The following MITF variants were observed in gnomAD, a reference collection of about 807,000 sequenced individuals.
MITF encodes the protein microphthalmia-associated transcription factor.
A neutral mutation model predicts 60.5 loss-of-function variants in MITF; 17 were observed. That is an observed-to-expected ratio of 0.28 (90% CI 0.19 to 0.42). The LOEUF (loss-of-function observed/expected upper bound fraction) is 0.42. Among genes scored for constraint, MITF ranks in the 10% least tolerant of loss-of-function variants. The pLI is 1.00. For synonymous variants in MITF, 260 were observed against 248.5 expected (o/e 1.05, Z -0.43); for missense variants, 622 against 683.5 (o/e 0.91, Z 1.00).
Position 69,854,055 on chromosome 3 carries a change from G to C in MITF, c.105-25079G>C, listed in dbSNP as rs547643261. Among the ~76,000 whole-genome samples, 11 of 151,870 alleles carry C rather than the reference G, an allele frequency of 7.2e-5. No individual in the cohort carries two copies. The South Asian group carries it at 2.3e-3, about 32-fold the overall frequency. The stretch of plus-strand genomic sequence containing the variant: ...AGTAGAGACAGAGTTTCACCGTATT[G>C]GTCAGGCTGGTCTCGAACTCCTGAC... On this transcript the variant is annotated intron_variant, in intron 1 of 9. Coordinates refer to ENST00000352241, the MANE Select transcript of MITF (RefSeq NM_001354604.2).
chr3:69,938,327 C>T (rs1405540760), intron 3 of MITF: 1 of 1,555,994 alleles, frequency 6.4e-7, no homozygotes, highest in Non-Finnish European at 8.7e-7. Flanking sequence ...TAGCTGAGTG[C>T]TCTCTTCTCT....
intron 1 of MITF, among the ~76,000 whole-genome samples, chr3:69,757,919 G>A (rs1014908335): frequency 1.3e-5 from 2 of 151,450 alleles, no homozygotes; most frequent in Admixed American, 6.6e-5. Flanking sequence ...GAGTGATGGT[G>A]TGGATCCCAG....
chr3:69,948,958 T>C (rs1366356527), intron 5 of MITF, 93 bp from the exon 6 acceptor site: 10 of 915,876 alleles, frequency 1.1e-5, no homozygotes, highest in African/African-American at 1.7e-5. Context: ...ATAATTTTTC[T>C]TAAATAAATC....
chr3:69,858,507 C>T (rs956917764), intron 1 of MITF, among the ~76,000 whole-genome samples: 4 of 151,950 alleles, frequency 2.6e-5, no homozygotes, highest in Admixed American at 1.3e-4. Context: ...TTTAAATACA[C>T]GACTTCCTGT....
chr3:69,896,642 T>C lies in MITF; in HGVS notation c.354+17259T>C, dbSNP rs529154121. ...CCCCCAATCTTCTTTTTTCTTAATA[T>C]GCCCTGCTATTCATAGGTGTGATTT... is the stretch of plus-strand genomic sequence containing the variant. On this transcript the variant is annotated intron_variant, in intron 2 of 9. Transcript: ENST00000352241. 1.8e-4 allele frequency among the ~76,000 whole-genome samples: 28 copies of C among 152,346 alleles called. No individual in the cohort carries two copies. The South Asian group carries it at 5.6e-3, about 30-fold the overall frequency.
At chr3:69,899,609 G>C (rs75660139) in intron 2 of MITF, among the ~76,000 whole-genome samples, 1 of 152,154 alleles carries the variant, frequency 6.6e-6, no homozygotes, top group Non-Finnish European at 1.5e-5. Context: ...TCTTCTGAGT[G>C]TGGAGTCATC....
At chr3:69,890,986 A>G (rs2064746728) in intron 2 of MITF, among the ~76,000 whole-genome samples, 2 of 152,174 alleles carry the variant, frequency 1.3e-5, no homozygotes, top group African/African-American at 4.8e-5. Context: ...AGAAAGAAAA[A>G]TCATCACGTT....
At chr3:69,958,765 C>G (rs1230760138) in intron 8 of MITF, among the ~76,000 whole-genome samples, 1 of 152,028 alleles carries the variant, frequency 6.6e-6, no homozygotes, top group Non-Finnish European at 1.5e-5. Context: ...AGTCCTGACT[C>G]TGCCATATAG....
At chr3:69,814,001 C>T (rs1286575044) in intron 1 of MITF, among the ~76,000 whole-genome samples, 1 of 152,020 alleles carries the variant, frequency 6.6e-6, no homozygotes. Flanking sequence ...GCCCTTCAGT[C>T]CATGAGGTAA....
chr3:69,873,853 A>C (rs2064292484), intron 1 of MITF, among the ~76,000 whole-genome samples: 1 of 152,218 alleles, frequency 6.6e-6, no homozygotes, highest in Non-Finnish European at 1.5e-5. Context: ...TTGGCTGCAG[A>C]ATTTTTGTGG....
intron 1 of MITF, among the ~76,000 whole-genome samples, chr3:69,814,697 G>T (rs2063153957): frequency 6.6e-6 from 1 of 151,854 alleles, no homozygotes; most frequent in African/African-American, 2.4e-5. Flanking sequence ...CTGAAATTTT[G>T]GTATCTTTGT....
At chr3:69,936,541 T>A in intron 2 of MITF, 1 of 1,375,216 alleles carries the variant, frequency 7.3e-7, no homozygotes, top group African/African-American at 1.5e-5. Flanking sequence ...TTTACATGCA[T>A]AACTAATTAG....
intron 1 of MITF, among the ~76,000 whole-genome samples, chr3:69,767,107 A>G (rs562430282): frequency 6.6e-6 from 1 of 152,346 alleles, no homozygotes; most frequent in South Asian, 2.1e-4. Context: ...GTAAGATATG[A>G]AGATATAATT....
intron 5 of MITF, among the ~76,000 whole-genome samples, chr3:69,943,209 C>T (rs1010946935): frequency 3.3e-5 from 5 of 151,248 alleles, no homozygotes; most frequent in Non-Finnish European, 5.9e-5. Context: ...GCCTGACCTT[C>T]TCTTGCATCT....
In MITF at chr3:69,951,372, G is replaced by C. The variant is rs542916277; in HGVS notation, c.881-440G>C. ...TGGAATTACAGGTGCAAGCAACCAT[G>C]CTGGGCCACTACTCAGTTTTTATAT... On this transcript the variant is annotated intron_variant, in intron 6 of 9. Transcript: ENST00000352241. Among the ~76,000 whole-genome samples, 22 of 152,116 alleles carry C rather than the reference G, an allele frequency of 1.4e-4. 1 individual carries two copies. Among genetic ancestry groups the C allele is most frequent in the African/African-American group, 4.6e-4 (19 of 41,494 alleles).
intron 1 of MITF, among the ~76,000 whole-genome samples, chr3:69,877,981 T>A (rs113648779): frequency 1.3e-5 from 2 of 152,240 alleles, no homozygotes; most frequent in African/African-American, 4.8e-5. Flanking sequence ...TTAAAAAATA[T>A]ATATAGAGAG....
intron 1 of MITF, among the ~76,000 whole-genome samples, chr3:69,750,065 C>T (rs534097403): frequency 1.3e-5 from 2 of 152,116 alleles, no homozygotes; most frequent in African/African-American, 2.4e-5. Context: ...AGCTGAATGG[C>T]AAGGACAATT....
At chr3:69,960,891 G>C (rs769072631) in intron 9 of MITF, among the ~76,000 whole-genome samples, 26 of 152,130 alleles carry the variant, frequency 1.7e-4, no homozygotes, top group Non-Finnish European at 2.8e-4. Flanking sequence ...CCTCAGCTGT[G>C]GGGTGGGGAG....
At chr3:69,963,545 C>G (rs972555836) in intron 9 of MITF, among the ~76,000 whole-genome samples, 1 of 152,160 alleles carries the variant, frequency 6.6e-6, no homozygotes, top group Non-Finnish European at 1.5e-5. Flanking sequence ...AAGGAAATAG[C>G]ATTTTTATTT....
Sources: gnomAD v4.1 joint callset for allele counts (sites outside exome capture counted in the v4.1 genomes callset) on GRCh38, gnomAD v4.1.1 for gene constraint, MANE v1.5 for transcripts, NCBI Gene and HGNC (gene_info 2026-07-23, HGNC 2026-07-21) for gene names.